Variants in NRXN3 observed in about 807,000 individuals in gnomAD.
The protein encoded by NRXN3 is neurexin 3.
Under a neutral mutation model 137.6 loss-of-function variants are expected in NRXN3, and 32 were observed. The observed-to-expected ratio is 0.23, with a 90% CI of 0.18 to 0.31. The LOEUF (loss-of-function observed/expected upper bound fraction) is 0.31, where lower values mean the gene tolerates loss of function less well. Among genes scored for constraint, NRXN3 ranks in the 10% least tolerant of loss-of-function variants. The pLI, the probability that NRXN3 is intolerant of heterozygous loss-of-function variation, is 1.00. For synonymous variants in NRXN3, 798 were observed against 784.5 expected, an observed-to-expected ratio of 1.02 and a Z score of -0.29; for missense variants, 1,574 against 2,062.5, an observed-to-expected ratio of 0.76 and a Z score of 4.59.
chr14:79,768,412 G>A (rs36111008), intron 19 of NRXN3, among the ~76,000 whole-genome samples: 50,282 of 151,926 alleles, frequency 0.33, 8,757 homozygotes, highest in Middle Eastern at 0.43. Flanking sequence ...CTCCCAGCAC[G>A]CAGCTGGAGA....
At chr14:78,605,054 G>A (rs1790868805) in intron 4 of NRXN3, among the ~76,000 whole-genome samples, 1 of 152,068 alleles carries the variant, frequency 6.6e-6, no homozygotes, top group South Asian at 2.1e-4. Context: ...TTTCCTAAAG[G>A]CATGATTCTA....
chr14:78,189,185 T>C (rs752091302), intron 1 of NRXN3, among the ~76,000 whole-genome samples: 1 of 152,142 alleles, frequency 6.6e-6, no homozygotes, highest in Non-Finnish European at 1.5e-5. Context: ...GGAATATGAC[T>C]ATACTTCTTA....
intron 10 of NRXN3, among the ~76,000 whole-genome samples, chr14:78,952,071 A>G (rs1456231533): frequency 6.6e-6 from 1 of 152,158 alleles, no homozygotes; most frequent in Non-Finnish European, 1.5e-5. Flanking sequence ...CCTCCCTGGG[A>G]GACTTCTCTG....
intron 15 of NRXN3, among the ~76,000 whole-genome samples, chr14:79,385,207 C>CA (rs911598578): frequency 3.1e-5 from 3 of 95,824 alleles, no homozygotes; most frequent in South Asian, 8.3e-4. Flanking sequence ...CTATCCTTCC[C>CA]CCCGCCCCCA....
At chr14:79,229,459 C>G (rs1288909912) in intron 15 of NRXN3, among the ~76,000 whole-genome samples, 1 of 152,166 alleles carries the variant, frequency 6.6e-6, no homozygotes, top group Non-Finnish European at 1.5e-5. Flanking sequence ...CTAATCACCA[C>G]ACTCCCTGAA....
At chr14:78,900,379 C>T (rs1001088909) in intron 10 of NRXN3, among the ~76,000 whole-genome samples, 21 of 151,856 alleles carry the variant, frequency 1.4e-4, no homozygotes, top group Admixed American at 8.5e-4. Flanking sequence ...CTGTTTAGGT[C>T]CTGTTTCTCA....
chr14:78,564,581 T>C (rs2096820443), intron 4 of NRXN3, among the ~76,000 whole-genome samples: 1 of 152,236 alleles, frequency 6.6e-6, no homozygotes, highest in South Asian at 2.1e-4. Flanking sequence ...CTAGGAGGTA[T>C]ATGGGTTAGA....
At chr14:78,794,632 GTGTA>G (rs1333856508) in intron 8 of NRXN3, among the ~76,000 whole-genome samples, 56 of 150,576 alleles carry the variant, frequency 3.7e-4, no homozygotes, top group East Asian at 2.3e-3. Flanking sequence ...GTGTGTGTGT[GTGTA>G]TATAATATAT....
At chr14:78,260,436 T>G (rs1363209425) in intron 2 of NRXN3, among the ~76,000 whole-genome samples, 1 of 152,192 alleles carries the variant, frequency 6.6e-6, no homozygotes, top group Non-Finnish European at 1.5e-5. Flanking sequence ...GCTTCTAAGT[T>G]TAGTGCCCAG....
chr14:78,813,314 G>T (rs1377327870), intron 10 of NRXN3, among the ~76,000 whole-genome samples: 2 of 152,276 alleles, frequency 1.3e-5, no homozygotes, highest in East Asian at 3.9e-4. Context: ...CTCCATGTCA[G>T]ATTTCATAGC....
intron 4 of NRXN3, among the ~76,000 whole-genome samples, chr14:78,465,686 C>A (rs979087403): frequency 2.6e-5 from 4 of 151,828 alleles, no homozygotes; most frequent in Admixed American, 2.6e-4. Context: ...AGGCATGCAC[C>A]ACCATGCCCG....
chr14:79,123,307 A>G (rs2055815802), intron 15 of NRXN3, among the ~76,000 whole-genome samples: 1 of 152,032 alleles, frequency 6.6e-6, no homozygotes, highest in South Asian at 2.1e-4. Context: ...ATTCAACTCA[A>G]TGTTTACTGT....
At chr14:78,317,557 A>G (rs1349395396) in intron 4 of NRXN3, among the ~76,000 whole-genome samples, 1 of 152,204 alleles carries the variant, frequency 6.6e-6, no homozygotes. Flanking sequence ...ATCTGTGGAA[A>G]AAGTATCTTC....
At chr14:78,410,391 C>T (rs141240865) in intron 4 of NRXN3, among the ~76,000 whole-genome samples, 36 of 152,314 alleles carry the variant, frequency 2.4e-4, no homozygotes, top group East Asian at 1.2e-3. Flanking sequence ...CCTTACCTAT[C>T]AGTATGTCTG....
chr14:78,194,261 C>A (rs2061025083), intron 1 of NRXN3, among the ~76,000 whole-genome samples: 1 of 152,230 alleles, frequency 6.6e-6, no homozygotes, highest in African/African-American at 2.4e-5. Context: ...CAACATTTTT[C>A]TTTGACATTT....
At chr14:78,633,415 A>AT (rs1311037087) in intron 4 of NRXN3, among the ~76,000 whole-genome samples, 1 of 152,128 alleles carries the variant, frequency 6.6e-6, no homozygotes, top group East Asian at 1.9e-4. Context: ...CAGGTCACCG[A>AT]TTTTTAAGTC....
intron 1 of NRXN3, among the ~76,000 whole-genome samples, chr14:78,191,383 A>C (rs1337779939): frequency 6.6e-6 from 1 of 152,140 alleles, no homozygotes; most frequent in African/African-American, 2.4e-5. Flanking sequence ...ATTTGAACCT[A>C]GACTGACTCC....
intron 17 of NRXN3, among the ~76,000 whole-genome samples, chr14:79,679,849 C>T (rs2098660768): frequency 6.6e-6 from 1 of 152,084 alleles, no homozygotes; most frequent in South Asian, 2.1e-4. Context: ...GCTATTCTGG[C>T]CATCACATTT....
At chr14:79,173,455 C>T (rs967235024) in intron 15 of NRXN3, among the ~76,000 whole-genome samples, 2 of 145,162 alleles carry the variant, frequency 1.4e-5, no homozygotes, top group Admixed American at 7.1e-5. Flanking sequence ...CTGCTTGAGC[C>T]AGGAGGTAAA....
Sources: allele counts gnomAD v4.1 joint callset (sites outside exome capture counted in the v4.1 genomes callset), GRCh38; gene constraint gnomAD v4.1.1; transcripts MANE v1.5; gene names NCBI Gene and HGNC (gene_info 2026-07-23, HGNC 2026-07-21).